ANKH: variants seen among roughly 807,000 people sequenced by gnomAD.
The protein encoded by ANKH is mineralization regulator ANKH.
In ANKH, 15 loss-of-function variants were observed where a neutral mutation model predicts 49.0. That is an observed-to-expected ratio of 0.31 (90% CI 0.20 to 0.47). The LOEUF (loss-of-function observed/expected upper bound fraction) is 0.47, where lower values mean the gene tolerates loss of function less well. ANKH is among the 20% of genes least tolerant of loss of function. The pLI is 1.00. For synonymous variants in ANKH, 273 were observed against 260.0 expected (o/e 1.05, Z -0.48); for missense variants, 429 against 652.0 (o/e 0.66, Z 3.72).
intron 1 of ANKH, among the ~76,000 whole-genome samples, chr5:14,813,801 C>T (rs1740954606): frequency 6.6e-6 from 1 of 152,162 alleles, no homozygotes; most frequent in South Asian, 2.1e-4. Context: ...CAAGCCACCT[C>T]CATCTTCAGA....
At chr5:14,864,568 T>A (rs950828923) in intron 1 of ANKH, among the ~76,000 whole-genome samples, 1 of 152,220 alleles carries the variant, frequency 6.6e-6, no homozygotes, top group African/African-American at 2.4e-5. Flanking sequence ...AAGAAAGGCA[T>A]GACCTCATTT....
At chr5:14,758,148 C>T (rs1018583275) in intron 3 of ANKH, among the ~76,000 whole-genome samples, 2 of 152,208 alleles carry the variant, frequency 1.3e-5, no homozygotes, top group African/African-American at 4.8e-5. Flanking sequence ...TCTGAAGACA[C>T]GCTCAGTGAA....
chr5:14,711,997 C>A (rs1737231389), intron 11 of ANKH, among the ~76,000 whole-genome samples: 2 of 152,250 alleles, frequency 1.3e-5, no homozygotes, highest in Middle Eastern at 3.2e-3. Context: ...TCATTGTGGC[C>A]ACCTTTTCGA....
Position 14,713,068 on chromosome 5 carries a change from G to T in ANKH, c.1266-95C>A. On this transcript the variant is annotated intron_variant, in intron 10 of 11. Transcript: ENST00000284268. The surrounding 1 kb of genome is among the most constrained non-coding windows in gnomAD (Gnocchi z 4.4). ...CCCAGGAAAGTAAGTGTAGCCTCGA[G>T]ACGGCTGAGACCAGCGGCGTTCTCC... is the stretch of plus-strand genomic sequence containing the variant. The T allele has an allele frequency of 8.3e-7, 1 of 1,199,666 alleles. No homozygotes were observed. Among genetic ancestry groups the T allele is most frequent in the Non-Finnish European group, 1.2e-6 (1 of 832,402 alleles). 74.3% of individuals were successfully genotyped at this position (1,199,666 alleles called of 1,614,324 possible).
chr5:14,847,654 A>G (rs906376987), intron 1 of ANKH, among the ~76,000 whole-genome samples: 1 of 152,202 alleles, frequency 6.6e-6, no homozygotes, highest in African/African-American at 2.4e-5. Flanking sequence ...AGCACAAAGC[A>G]TATGGATTGG....
intron 1 of ANKH, among the ~76,000 whole-genome samples, chr5:14,845,843 CTTTTTT>C (rs59264153): frequency 2.4e-5 from 2 of 82,566 alleles, no homozygotes; most frequent in Non-Finnish European, 4.6e-5. Context: ...CCTATGCACA[CTTTTTT>C]TTTTTTTTTT....
intron 8 of ANKH, among the ~76,000 whole-genome samples, chr5:14,718,939 G>T (rs926269969): frequency 6.6e-6 from 1 of 151,846 alleles, no homozygotes; most frequent in Non-Finnish European, 1.5e-5. Context: ...CAGAGCAGAA[G>T]GATGAAGGCA....
intron 1 of ANKH, among the ~76,000 whole-genome samples, chr5:14,836,466 C>A (rs1741656900): frequency 6.6e-6 from 1 of 152,258 alleles, no homozygotes; most frequent in East Asian, 1.9e-4. Flanking sequence ...CATTCTTATA[C>A]ACCAATAACA....
intron 1 of ANKH, among the ~76,000 whole-genome samples, chr5:14,833,229 T>C (rs1468262883): frequency 6.6e-6 from 1 of 152,202 alleles, no homozygotes; most frequent in Non-Finnish European, 1.5e-5. Context: ...CATTGCCATA[T>C]ATTTTGGAAG....
chr5:14,717,184 C>T (rs1050928524), intron 8 of ANKH: 7 of 309,998 alleles, frequency 2.3e-5, no homozygotes, highest in African/African-American at 1.1e-4. Flanking sequence ...GCCAGTTCCA[C>T]GTGGACATGT....
intron 7 of ANKH, among the ~76,000 whole-genome samples, chr5:14,743,574 G>A (rs893190979): frequency 1.3e-5 from 2 of 152,146 alleles, no homozygotes; most frequent in African/African-American, 4.8e-5. Context: ...TAGAACTCCC[G>A]GAAGGTATGT....
chr5:14,795,683 T>C (rs192343565), intron 1 of ANKH, among the ~76,000 whole-genome samples: 120 of 152,260 alleles, frequency 7.9e-4, no homozygotes, highest in Admixed American at 7.1e-3. Flanking sequence ...ACCCCATTTT[T>C]AGTCTCTACT....
At chr5:14,761,387 A>C (rs1739073371) in intron 2 of ANKH, among the ~76,000 whole-genome samples, 1 of 152,242 alleles carries the variant, frequency 6.6e-6, no homozygotes, top group East Asian at 1.9e-4. Flanking sequence ...CAGGAAGATC[A>C]GATGGGACAT....
At chr5:14,805,688 C>T (rs949831682) in intron 1 of ANKH, among the ~76,000 whole-genome samples, 2 of 151,776 alleles carry the variant, frequency 1.3e-5, no homozygotes. Flanking sequence ...CATTTCTTTC[C>T]CTGTTAGACA....
At chr5:14,715,685 CAGTT>C (rs1737423455) in intron 9 of ANKH, among the ~76,000 whole-genome samples, 1 of 152,356 alleles carries the variant, frequency 6.6e-6, no homozygotes, top group African/African-American at 2.4e-5. Context: ...GCTATGCAAG[CAGTT>C]AGCACATCCA....
chr5:14,782,416 C>T (rs991717865), intron 1 of ANKH, among the ~76,000 whole-genome samples: 1 of 152,118 alleles, frequency 6.6e-6, no homozygotes, highest in Non-Finnish European at 1.5e-5. Context: ...GAGAAAAATC[C>T]AGAGAGCTTG....
At chr5:14,718,597 T>C (rs1415704284) in intron 8 of ANKH, among the ~76,000 whole-genome samples, 2 of 151,952 alleles carry the variant, frequency 1.3e-5, no homozygotes, top group Non-Finnish European at 2.9e-5. Flanking sequence ...GATGACCTGA[T>C]GTCAGGAGTT....
Position 14,818,358 on chromosome 5 carries a change from G to A in ANKH, c.97-49167C>T, listed in dbSNP as rs192725580. On this transcript the variant is annotated intron_variant, in intron 1 of 11. Coordinates refer to ENST00000284268, the MANE Select transcript of ANKH (RefSeq NM_054027.6). ...TTTCTTTTTTTAATAAGGCAGAAGC[G>A]GCTGGGCACAGTGGCTCACGCCTGT... 1.6e-4 allele frequency among the ~76,000 whole-genome samples: 24 copies of A among 151,992 alleles called. No individual in the cohort carries two copies. In the East Asian group the frequency reaches 2.5e-3, roughly 16 times the overall value.
intron 1 of ANKH, chr5:14,797,554 G>T (rs1255761991): frequency 6.2e-7 from 1 of 1,610,760 alleles, no homozygotes; most frequent in Non-Finnish European, 8.5e-7. Context: ...TCACTATAAG[G>T]ACTGAAAGAA....
Sources: gnomAD v4.1 joint callset for allele counts (sites outside exome capture counted in the v4.1 genomes callset) on GRCh38, gnomAD v4.1.1 for gene constraint, Gnocchi (gnomAD v3.1) non-coding constraint, MANE v1.5 for transcripts, NCBI Gene and HGNC (gene_info 2026-07-23, HGNC 2026-07-21) for gene names.